The following SLC35F2 variants were observed in gnomAD, a reference collection of about 807,000 sequenced individuals.
SLC35F2 encodes solute carrier family 35 member F2.
Under a neutral mutation model 38.1 loss-of-function variants are expected in SLC35F2, and 25 were observed. That is an observed-to-expected ratio of 0.66 (90% confidence interval 0.48 to 0.92). The LOEUF is 0.92. SLC35F2 is among the 40% of genes least tolerant of loss of function. The pLI, the probability that SLC35F2 is intolerant of heterozygous loss-of-function variation, is 0.00. For synonymous variants in SLC35F2, 173 were observed against 181.7 expected (o/e 0.95, Z 0.38); for missense variants, 409 against 452.9 (o/e 0.90, Z 0.88).
intron 1 of SLC35F2, among the ~76,000 whole-genome samples, chr11:107,838,290 G>T (rs1399485551): frequency 1.3e-5 from 2 of 151,988 alleles, no homozygotes; most frequent in Admixed American, 1.3e-4. Context: ...AATGTGTGTG[G>T]GTGCCATACT....
At chr11:107,843,869 ATATATATAT>A (rs1267281323) in intron 1 of SLC35F2, among the ~76,000 whole-genome samples, 38 of 37,646 alleles carry the variant, frequency 1.0e-3, no homozygotes, top group East Asian at 3.7e-3. Context: ...AAAAAAAAAA[ATATATATAT>A]ATATATATAT....
At chr11:107,833,881 G>T (rs908498970) in intron 1 of SLC35F2, among the ~76,000 whole-genome samples, 1 of 152,128 alleles carries the variant, frequency 6.6e-6, no homozygotes, top group African/African-American at 2.4e-5. Flanking sequence ...AAGAATCAAA[G>T]AAACAAATGG....
intron 1 of SLC35F2, among the ~76,000 whole-genome samples, chr11:107,841,955 A>G (rs1049227943): frequency 4.6e-5 from 7 of 150,786 alleles, no homozygotes; most frequent in Non-Finnish European, 7.4e-5. Flanking sequence ...AATCCCAGCT[A>G]CTCGGGAGGC....
At chr11:107,820,643 A>G (rs12794905) in intron 1 of SLC35F2, among the ~76,000 whole-genome samples, 34,348 of 151,892 alleles carry the variant, frequency 0.23, 7,088 homozygotes, top group African/African-American at 0.55. Context: ...TTATGATTTT[A>G]TAACAGAGTT....
At chr11:107,823,111 T>TA in intron 1 of SLC35F2, 3 of 981,884 alleles carry the variant, frequency 3.1e-6, no homozygotes, top group Non-Finnish European at 3.6e-6. Context: ...CACTGGGCTT[T>TA]AAAAATAACA....
At chr11:107,815,683 C>G (rs1859560803) in intron 2 of SLC35F2, 107 bp downstream of exon 2, 1 of 1,238,032 alleles carries the variant, frequency 8.1e-7, no homozygotes, top group South Asian at 1.5e-5. Context: ...GAGAATTGTG[C>G]ATAAGTCTCC....
chr11:107,832,904 T>C (rs1203432442), intron 1 of SLC35F2, among the ~76,000 whole-genome samples: 1 of 152,198 alleles, frequency 6.6e-6, no homozygotes, highest in Non-Finnish European at 1.5e-5. Flanking sequence ...TCATGTTTAA[T>C]CCTTGTGGCT....
intron 1 of SLC35F2, among the ~76,000 whole-genome samples, chr11:107,834,113 T>G (rs1859892788): frequency 1.3e-5 from 2 of 152,170 alleles, no homozygotes; most frequent in African/African-American, 4.8e-5. Flanking sequence ...GCTGAGGATC[T>G]ACTTACACAG....
chr11:107,795,750 T>C (rs1484986977), intron 7 of SLC35F2, among the ~76,000 whole-genome samples: 1 of 152,104 alleles, frequency 6.6e-6, no homozygotes, highest in Non-Finnish European at 1.5e-5. Context: ...AAAGTGCAAA[T>C]CAAAGCCACA....
chr11:107,811,869 G>A (rs2134786254), intron 2 of SLC35F2, 75 bp from the exon 3 acceptor site: 1 of 1,318,622 alleles, frequency 7.6e-7, no homozygotes, highest in African/African-American at 1.5e-5. Context: ...AGATAAAAGA[G>A]TAGAAGCAAG....
At chr11:107,793,987 G>A (rs71488277) in intron 7 of SLC35F2, among the ~76,000 whole-genome samples, 8,675 of 151,892 alleles carry the variant, frequency 0.057, 299 homozygotes, top group East Asian at 0.15. Context: ...TACCCCAAAA[G>A]TCTAAATAAA....
intron 1 of SLC35F2, among the ~76,000 whole-genome samples, chr11:107,836,805 T>A (rs7119441): frequency 0.03 from 4,597 of 152,266 alleles, 270 homozygotes; most frequent in African/African-American, 0.11. Flanking sequence ...ACTAAATTGG[T>A]GGTAATTTGT....
chr11:107,853,892 T>C (rs888340065), intron 1 of SLC35F2, among the ~76,000 whole-genome samples: 6 of 151,898 alleles, frequency 4.0e-5, no homozygotes, highest in African/African-American at 1.2e-4. Flanking sequence ...GATATAAAGT[T>C]GATGGTTGTT....
intron 1 of SLC35F2, among the ~76,000 whole-genome samples, chr11:107,839,133 A>C (rs1169015410): frequency 6.6e-6 from 1 of 152,202 alleles, no homozygotes; most frequent in Non-Finnish European, 1.5e-5. Context: ...ACTGACAATT[A>C]TGATACCATA....
intron 1 of SLC35F2, among the ~76,000 whole-genome samples, chr11:107,818,084 G>C (rs866638867): frequency 1.0e-5 from 1 of 98,264 alleles, no homozygotes; most frequent in Non-Finnish European, 2.1e-5. Flanking sequence ...AAGAAAGAAA[G>C]AAAGAAAGAA....
chr11:107,813,855 G>A (rs957025502), intron 2 of SLC35F2, among the ~76,000 whole-genome samples: 3 of 152,034 alleles, frequency 2.0e-5, no homozygotes, highest in Non-Finnish European at 4.4e-5. Context: ...TGTAGAGAAG[G>A]AGTTTCATCG....
intron 1 of SLC35F2, among the ~76,000 whole-genome samples, chr11:107,816,827 G>A (rs1489990836): frequency 2.6e-5 from 4 of 152,150 alleles, no homozygotes; most frequent in East Asian, 1.9e-4. Flanking sequence ...GCAGCTTGGA[G>A]CTGGAAGAAA....
intron 1 of SLC35F2, among the ~76,000 whole-genome samples, chr11:107,827,567 G>A (rs1351962665): frequency 6.6e-6 from 1 of 152,050 alleles, no homozygotes; most frequent in East Asian, 1.9e-4. Flanking sequence ...TGGCCACCAT[G>A]GCGAAACCCC....
Position 107,825,100 on chromosome 11 carries a change from G to A in SLC35F2, c.111-9135C>T, listed in dbSNP as rs574772291. Among the ~76,000 whole-genome samples the A allele has an allele frequency of 2.2e-3, 328 of 152,332 alleles. 3 individuals carry two copies. Among genetic ancestry groups the A allele is most frequent in the African/African-American group, 7.5e-3 (311 of 41,584 alleles). On this transcript the variant is annotated intron_variant, in intron 1 of 7. Transcript: ENST00000525815. ...GCAATACTGTAGATGTTACCACAAC[G>A]ATGGAAATGTTTGAAAAGTAGTTCT... is the stretch of plus-strand genomic sequence containing the variant.
Sources: allele counts gnomAD v4.1 joint callset (sites outside exome capture counted in the v4.1 genomes callset), GRCh38; gene constraint gnomAD v4.1.1; transcripts MANE v1.5; gene names NCBI Gene and HGNC (gene_info 2026-07-23, HGNC 2026-07-21).